Variants in FOCAD observed in about 807,000 individuals in gnomAD.
FOCAD encodes focadhesin.
FOCAD carries 198 observed loss-of-function variants against 225.6 expected under a neutral mutation model. The ratio of observed to expected loss-of-function variants is 0.88; its 90% CI spans 0.78 to 0.99. The LOEUF is 0.99. FOCAD is among the 50% of genes least tolerant of loss of function. The probability of loss-of-function intolerance (pLI) is 0.00; values close to 1 mark genes in which losing one functional copy is unlikely to be tolerated. For missense variants in FOCAD, 2,713 were observed against 2,123.6 expected (o/e 1.28, Z -5.46); for synonymous variants, 897 against 755.0 (o/e 1.19, Z -3.08).
intron 26 of FOCAD, chr9:20,927,998 T>C (rs1835118862): frequency 1.3e-5 from 2 of 151,950 alleles, no homozygotes; most frequent in African/African-American, 4.8e-5. Context: ...AATTGGAAGA[T>C]AAATTTTGCT....
intron 5 of FOCAD, among the ~76,000 whole-genome samples, chr9:20,742,099 A>G (rs1432022785): frequency 2.0e-5 from 3 of 152,178 alleles, no homozygotes; most frequent in African/African-American, 4.8e-5. Flanking sequence ...ATTCCTTACC[A>G]ATTAGCCGTC....
intron 6 of FOCAD, 39 bp downstream of exon 6, chr9:20,758,230 C>G: frequency 6.9e-7 from 1 of 1,448,356 alleles, no homozygotes; most frequent in Non-Finnish European, 9.6e-7. Context: ...GTGAGGGAGA[C>G]AGAATGGTAT....
intron 35 of FOCAD, among the ~76,000 whole-genome samples, chr9:20,973,256 T>C (rs1039192991): frequency 3.3e-5 from 5 of 152,156 alleles, no homozygotes; most frequent in African/African-American, 9.7e-5. Context: ...CTTCTCTTTG[T>C]TCCTGTGCTT....
intron 15 of FOCAD, among the ~76,000 whole-genome samples, chr9:20,858,016 A>C (rs1287192376): frequency 6.6e-6 from 1 of 150,772 alleles, no homozygotes; most frequent in African/African-American, 2.4e-5. Context: ...GACGTTTCAC[A>C]TCTATGTTTG....
At chr9:20,858,423 A>G (rs567890611) in intron 15 of FOCAD, among the ~76,000 whole-genome samples, 14 of 151,936 alleles carry the variant, frequency 9.2e-5, no homozygotes, top group East Asian at 1.9e-4. Flanking sequence ...TTTTTGTGGT[A>G]TTGTATTTTG....
At chr9:20,730,901 ATAAGT>A (rs1303927695) in intron 4 of FOCAD, among the ~76,000 whole-genome samples, 1 of 152,100 alleles carries the variant, frequency 6.6e-6, no homozygotes, top group Non-Finnish European at 1.5e-5. Context: ...GTAGATTAAG[ATAAGT>A]TAAATGAAAA....
chr9:20,673,778 C>T (rs1231255329), intron 2 of FOCAD, among the ~76,000 whole-genome samples: 1 of 152,084 alleles, frequency 6.6e-6, no homozygotes, highest in Non-Finnish European at 1.5e-5. Flanking sequence ...CACCATGTTG[C>T]CGAGGCTGGT....
chr9:20,659,440 A>AAGAAAGAAAGAAAGAAAGAAAGGAAGAC (rs71334544), intron 2 of FOCAD, among the ~76,000 whole-genome samples: 1 of 145,070 alleles, frequency 6.9e-6, no homozygotes, highest in Non-Finnish European at 1.5e-5. Context: ...GAAAGAAAGA[A>AAGAAAGAAAGAAAGAAAGAAAGGAAGAC]AGACAGACAG....
intron 15 of FOCAD, among the ~76,000 whole-genome samples, chr9:20,831,255 C>G (rs929833875): frequency 6.6e-6 from 1 of 151,888 alleles, no homozygotes; most frequent in Non-Finnish European, 1.5e-5. Flanking sequence ...GTGTTCAGGC[C>G]AGTTATCATT....
At chr9:20,777,026 T>C (rs1362759753) in intron 8 of FOCAD, among the ~76,000 whole-genome samples, 2 of 152,218 alleles carry the variant, frequency 1.3e-5, no homozygotes, top group Non-Finnish European at 2.9e-5. Context: ...CATATATTCC[T>C]AAAATACATA....
At chr9:20,885,858 T>A (rs1313151606) in intron 21 of FOCAD, among the ~76,000 whole-genome samples, 1 of 152,168 alleles carries the variant, frequency 6.6e-6, no homozygotes, top group Non-Finnish European at 1.5e-5. Context: ...AATTAAAATG[T>A]ATGAATGAAT....
chr9:20,662,159 G>C (rs1196108049), intron 2 of FOCAD, among the ~76,000 whole-genome samples: 2 of 152,018 alleles, frequency 1.3e-5, no homozygotes, highest in Non-Finnish European at 2.9e-5. Context: ...ATGTGGCTGT[G>C]TTGCTAAACA....
chr9:20,934,974 A>G (rs939096259), intron 28 of FOCAD, among the ~76,000 whole-genome samples: 1 of 152,200 alleles, frequency 6.6e-6, no homozygotes, highest in South Asian at 2.1e-4. Context: ...GAAATCATAG[A>G]TGACACAAAT....
At chr9:20,952,580 T>C in intron 34 of FOCAD, 1 of 210,098 alleles carries the variant, frequency 4.8e-6, no homozygotes, top group Non-Finnish European at 9.3e-6. Context: ...CGATTCCACA[T>C]GTCCTGAAGT....
At chr9:20,688,810 A>G (rs1317098310) in intron 1 of FOCAD, among the ~76,000 whole-genome samples, 2 of 152,204 alleles carry the variant, frequency 1.3e-5, no homozygotes, top group African/African-American at 4.8e-5. Context: ...AGCTAACTAC[A>G]GTTTTTGGAA....
At chr9:20,918,764 A>G (rs1160494886) in intron 24 of FOCAD, among the ~76,000 whole-genome samples, 1 of 151,958 alleles carries the variant, frequency 6.6e-6, no homozygotes, top group African/African-American at 2.4e-5. Flanking sequence ...TATAGACCTT[A>G]TTTTAATAAA....
chr9:20,896,478 A>G (rs982936392), intron 21 of FOCAD, among the ~76,000 whole-genome samples: 1 of 151,900 alleles, frequency 6.6e-6, no homozygotes, highest in African/African-American at 2.4e-5. Context: ...ACCAGTGAAC[A>G]CATGTGGGAG....
intron 5 of FOCAD, among the ~76,000 whole-genome samples, chr9:20,750,736 T>TA (rs768625243): frequency 1.3e-5 from 2 of 152,038 alleles, no homozygotes; most frequent in Non-Finnish European, 1.5e-5. Context: ...CCTTCTGAAA[T>TA]AAAAAAATAT....
At chr9:20,837,505 G>A (rs539388856) in intron 15 of FOCAD, among the ~76,000 whole-genome samples, 1 of 151,612 alleles carries the variant, frequency 6.6e-6, no homozygotes, top group Admixed American at 6.6e-5. Flanking sequence ...CCATTCCAGT[G>A]AATAAAATAT....
Sources: allele counts gnomAD v4.1 joint callset (sites outside exome capture counted in the v4.1 genomes callset), GRCh38; gene constraint gnomAD v4.1.1; transcripts MANE v1.5; gene names NCBI Gene and HGNC (gene_info 2026-07-23, HGNC 2026-07-21).